Variants in RRM2B observed in about 807,000 individuals in gnomAD.
RRM2B encodes ribonucleotide reductase regulatory TP53 inducible subunit M2B, also known as ribonucleoside-diphosphate reductase subunit M2 B.
RRM2B carries 20 observed loss-of-function variants against 45.9 expected under a neutral mutation model. The observed-to-expected ratio is 0.44, with a 90% CI of 0.31 to 0.63. RRM2B has a LOEUF of 0.63. Ranked by LOEUF, RRM2B falls within the 30% of genes least tolerant of loss-of-function variation. The pLI is 0.09. For synonymous variants in RRM2B, 124 were observed against 132.3 expected (o/e 0.94, Z 0.43); for missense variants, 320 against 414.7 (o/e 0.77, Z 1.98).
At chr8:102,208,424 C>T in intron 8 of RRM2B, 139 bp from the exon 9 acceptor site, 2 of 688,808 alleles carry the variant, frequency 2.9e-6, no homozygotes, top group Non-Finnish European at 5.0e-6. Context: ...TCCCCTAAGA[C>T]CCTGGAGGTA....
Position 102,218,907 on chromosome 8 carries a change from G to C in RRM2B, c.591C>G (p.Phe197Leu). 6.2e-7 allele frequency: 1 copy of C among 1,613,626 alleles called. No individual in the cohort carries two copies. Among genetic ancestry groups the C allele is most frequent in the South Asian group, 1.1e-5 (1 of 91,066 alleles). Residue 197 changes from phenylalanine (F) to leucine (L), a missense_variant, in exon 6 of 9, where the codon TTC (phenylalanine) becomes TTG (leucine). This residue lies in a region of RRM2B where 225 missense variants were observed against 289.4 expected (regional missense o/e 0.78). Transcript: ENST00000251810. ...ATATAGCAGCAAAAGATCCTGAGAA[G>C]AAAACTCCTTCTACAGCAGCAAAGG... ...VVAFAAVEGV[F>L]FSGSFAAIFW...
Position 102,208,089 on chromosome 8 carries a change from A to G in RRM2B, c.*44T>C. Reference sequence around the variant, plus strand: ...TTTAAGCAGAGGAAAATAGACTACTATTTACCAATGACAAGTTTATAGAGT... The same window carrying G: ...TTTAAGCAGAGGAAAATAGACTACTGTTTACCAATGACAAGTTTATAGAGT... On this transcript the variant is annotated 3_prime_UTR_variant, in exon 9 of 9. Transcript: ENST00000251810. 1.3e-6 allele frequency: 2 copies of G among 1,550,320 alleles called. No homozygotes were observed. Among genetic ancestry groups the G allele is most frequent in the East Asian group, 2.2e-5 (1 of 44,522 alleles).
chr8:102,219,876 C>T (rs960947943), intron 5 of RRM2B, among the ~76,000 whole-genome samples: 2 of 152,176 alleles, frequency 1.3e-5, no homozygotes, highest in African/African-American at 4.8e-5. Context: ...AAAGAAGTCA[C>T]TTAATAAACA....
rs1429170074 is a variant in RRM2B at position 102,224,994 on chromosome 8, G to T, written c.346C>A (p.Gln116Lys). ...NLVERFSQEV[Q>K]VPEARCFYGF... The stretch of plus-strand genomic sequence containing the variant: ...TAGAAACAGCGAGCCTCTGGAACCT[G>T]CACCTCCTGACTAAAGCGCTCCACC... The change falls in exon 4 of 9, where the codon CAG becomes AAG. Residue 116 changes from glutamine (Q) to lysine (K), a missense_variant. Gln to Lys is a moderately conservative substitution (Grantham distance 53, BLOSUM62 1). This residue lies in a region of RRM2B where 225 missense variants were observed against 289.4 expected (regional missense o/e 0.78). Transcript: ENST00000251810. 1 of 1,614,020 alleles carries T rather than the reference G, an allele frequency of 6.2e-7. No individual in the cohort carries two copies. Among genetic ancestry groups the T allele is most frequent in the Non-Finnish European group, 8.5e-7 (1 of 1,179,954 alleles).
chr8:102,213,267 C>T (rs1810666252), intron 7 of RRM2B, among the ~76,000 whole-genome samples: 1 of 151,468 alleles, frequency 6.6e-6, no homozygotes, highest in Non-Finnish European at 1.5e-5. Flanking sequence ...TGGAAGGGAG[C>T]TGGGAAAGAA....
intron 4 of RRM2B, 86 bp downstream of exon 4, chr8:102,224,799 T>G (rs900311270): frequency 1.5e-6 from 2 of 1,295,346 alleles, no homozygotes; most frequent in African/African-American, 2.9e-5. Flanking sequence ...GAATAATCTT[T>G]CCTTAACATT....
At chr8:102,218,998 CATATAT>C in intron 5 of RRM2B, 51 bp from the exon 6 acceptor site, 1 of 1,509,920 alleles carries the variant, frequency 6.6e-7, no homozygotes, top group Non-Finnish European at 9.2e-7. Flanking sequence ...CAAACATTTG[CATATAT>C]ATATATACAC....
At chr8:102,214,205 A>G (rs758664097) in intron 6 of RRM2B, 47 bp from the exon 7 acceptor site, 2 of 1,277,938 alleles carry the variant, frequency 1.6e-6, no homozygotes, top group Non-Finnish European at 2.3e-6. Flanking sequence ...TTAATCAGCT[A>G]TTTGCATATG....
chr8:102,238,562 G>C lies in RRM2B; in HGVS notation c.48+265C>G, dbSNP rs550765773. 2.4e-3 allele frequency: 3,656 copies of C among 1,517,880 alleles called. 10 individuals are homozygous for C. The highest frequency in any genetic ancestry group is 3.1e-3 in the Non-Finnish European group (3,464 of 1,135,598). The allele number at this position is 1,517,880 out of a possible 1,614,324, so 94.0% of individuals were successfully genotyped here. On this transcript the variant is annotated intron_variant, in intron 1 of 8. Transcript: ENST00000251810. ...TAAACGCAGGGGTAAGTCTCACCCC[G>C]GCCTGAGGCCTCCAAGCGTCGTCCT...
chr8:102,222,016 C>T (rs1030530139), intron 5 of RRM2B, among the ~76,000 whole-genome samples: 1 of 152,062 alleles, frequency 6.6e-6, no homozygotes, highest in Non-Finnish European at 1.5e-5. Flanking sequence ...AAAAGTTTTT[C>T]CACAAATTCT....
rs759369330 is a variant in RRM2B, at chr8:102,225,958, G to A, written c.281C>T (p.Ala94Val). The A allele has an allele frequency of 6.2e-7, 1 of 1,612,552 alleles. No individual in the cohort carries two copies. The highest frequency in any genetic ancestry group is 8.5e-7 in the Non-Finnish European group (1 of 1,178,762). The stretch of plus-strand genomic sequence containing the variant: ...AATTCCATCACTGGCTGCAAAAAAG[G>A]CTAAGATGTGAGAGATGAAGTACTT... ...DEKYFISHIL[A>V]FFAASDGIVN... is the part of the protein sequence containing the mutation. The change falls in exon 3 of 9, where the codon GCC becomes GTC. Residue 94 changes from alanine (A) to valine (V), a missense_variant. Ala to Val is a moderately conservative substitution (Grantham distance 64). This residue lies in a region of RRM2B where 225 missense variants were observed against 289.4 expected (regional missense o/e 0.78). Transcript: ENST00000251810.
In RRM2B at chr8:102,214,047, G is replaced by C. The variant is rs199498691; in HGVS notation, c.789+7C>G. 5.6e-5 allele frequency: 89 copies of C among 1,589,820 alleles called. No individual in the cohort carries two copies. In the African/African-American group the frequency reaches 1.0e-3, roughly 18 times the overall value. ...GATGTGCTAATTACACAAACTTCCC[G>C]GTTTACCTGCTCAATTTTGACAGCA... On this transcript the variant is annotated splice_region_variant and intron_variant, in intron 7 of 8. Transcript: ENST00000251810.
chr8:102,209,768 C>T (rs1351173760), intron 8 of RRM2B, among the ~76,000 whole-genome samples: 3 of 151,812 alleles, frequency 2.0e-5, no homozygotes, highest in Admixed American at 6.6e-5. Flanking sequence ...TTGGTATATC[C>T]ATACAGTGGA....
intron 3 of RRM2B, among the ~76,000 whole-genome samples, chr8:102,225,288 C>T (rs1320282822): frequency 7.8e-6 from 1 of 128,182 alleles, no homozygotes; most frequent in Non-Finnish European, 1.6e-5. Context: ...GGCTGGAGTA[C>T]AGTGGCGCCA....
chr8:102,223,055 C>G (rs1378267305), intron 5 of RRM2B, among the ~76,000 whole-genome samples: 2 of 151,960 alleles, frequency 1.3e-5, no homozygotes, highest in Non-Finnish European at 2.9e-5. Context: ...AGACTTGCTT[C>G]CTCACATAAA....
At chr8:102,225,597 G>T (rs998102779) in intron 3 of RRM2B, among the ~76,000 whole-genome samples, 4 of 152,084 alleles carry the variant, frequency 2.6e-5, no homozygotes, top group Non-Finnish European at 4.4e-5. Flanking sequence ...GTTTTAAAAT[G>T]GGGAGCCAGA....
intron 8 of RRM2B, among the ~76,000 whole-genome samples, chr8:102,212,404 A>G (rs1205184281): frequency 1.3e-5 from 2 of 152,240 alleles, no homozygotes; most frequent in African/African-American, 4.8e-5. Context: ...TCTTCCTAAT[A>G]ACTATTCCCT....
intron 5 of RRM2B, among the ~76,000 whole-genome samples, chr8:102,221,027 A>C (rs1260336806): frequency 1.3e-5 from 2 of 152,172 alleles, no homozygotes; most frequent in South Asian, 2.1e-4. Context: ...TTGTGTAGCT[A>C]ATATTTTTTG....
chr8:102,208,062 T>G lies in RRM2B; in HGVS notation c.*71A>C, dbSNP rs1810573533. The stretch of plus-strand genomic sequence containing the variant: ...CCTTTAAAGGATATACTTAAAATTT[T>G]TTTTAAGCAGAGGAAAATAGACTAC... On this transcript the variant is annotated 3_prime_UTR_variant, in exon 9 of 9. Coordinates refer to ENST00000251810, the MANE Select transcript of RRM2B (RefSeq NM_015713.5). 7.3e-7 allele frequency: 1 copy of G among 1,361,224 alleles called. No homozygotes were observed. The highest frequency in any genetic ancestry group is 1.2e-5 in the South Asian group (1 of 80,800). 84.3% of individuals were successfully genotyped at this position (1,361,224 alleles called of 1,614,324 possible). A position where few individuals can be genotyped will look rare whatever the true frequency, so the allele number is the denominator to read the frequency against.
Sources: gnomAD v4.1 joint callset for allele counts (sites outside exome capture counted in the v4.1 genomes callset) on GRCh38, gnomAD v4.1.1 for gene constraint, gnomAD v4.1.1 regional missense constraint, MANE v1.5 for transcripts, NCBI Gene and HGNC (gene_info 2026-07-23, HGNC 2026-07-21) for gene names.